PTPRG: variants seen among roughly 807,000 people sequenced by gnomAD.
The protein encoded by PTPRG is protein tyrosine phosphatase receptor type G.
A neutral mutation model predicts 165.3 loss-of-function variants in PTPRG; 102 were observed. The ratio of observed to expected loss-of-function variants is 0.62; its 90% confidence interval spans 0.53 to 0.73. PTPRG has a LOEUF of 0.73. PTPRG is among the 30% of genes least tolerant of loss of function. PTPRG has a pLI of 0.00. For synonymous variants in PTPRG, 675 were observed against 669.5 expected, an observed-to-expected ratio of 1.01 and a Z score of -0.13; for missense variants, 1,866 against 1,861.4, an observed-to-expected ratio of 1.00 and a Z score of -0.05.
intron 2 of PTPRG, among the ~76,000 whole-genome samples, chr3:61,773,227 A>G (rs1259533169): frequency 1.3e-5 from 2 of 152,134 alleles, no homozygotes; most frequent in African/African-American, 2.4e-5. Context: ...AATTGTTCAG[A>G]AAAAAAGTGA....
chr3:61,711,484 C>G (rs1359870620), intron 1 of PTPRG, among the ~76,000 whole-genome samples: 1 of 152,220 alleles, frequency 6.6e-6, no homozygotes, highest in East Asian at 1.9e-4. Flanking sequence ...GAAATGGTAT[C>G]TCATTGTGGT....
At position 62,214,363 on chromosome 3, in the gene PTPRG, A is replaced by G. The variant is rs530230244; in HGVS notation, c.2156-4488A>G. On this transcript the variant is annotated intron_variant, in intron 12 of 29. Coordinates refer to ENST00000474889, the MANE Select transcript of PTPRG (RefSeq NM_002841.4). This position sits in a 1 kb window ranked among gnomAD's most constrained non-coding sequence, Gnocchi z 5.2. Reference sequence around the variant, plus strand: ...GGTGGTGGTGATGACAATAATCACAATAGTTAACATTAACCAGGTGCCAGG... The same window carrying G: ...GGTGGTGGTGATGACAATAATCACAGTAGTTAACATTAACCAGGTGCCAGG... Among the ~76,000 whole-genome samples the G allele has an allele frequency of 5.8e-4, 89 of 152,360 alleles. 1 individual carries two copies. Among genetic ancestry groups the G allele is most frequent in the South Asian group, 3.3e-3 (16 of 4,826 alleles).
intron 5 of PTPRG, among the ~76,000 whole-genome samples, chr3:62,117,760 A>G (rs1225554194): frequency 6.6e-6 from 1 of 152,196 alleles, no homozygotes; most frequent in Admixed American, 6.5e-5. Context: ...CGAGCATCTG[A>G]CTGGCAGAAA....
At chr3:62,033,601 G>A (rs1699845592) in intron 4 of PTPRG, among the ~76,000 whole-genome samples, 1 of 139,010 alleles carries the variant, frequency 7.2e-6, no homozygotes, top group Admixed American at 8.6e-5. Flanking sequence ...CTAGGCTCAA[G>A]CAATCCTCCT....
chr3:61,819,193 A>G (rs2035883025), intron 2 of PTPRG, among the ~76,000 whole-genome samples: 1 of 152,138 alleles, frequency 6.6e-6, no homozygotes, highest in South Asian at 2.1e-4. Context: ...GAATTTTATA[A>G]CTCTCCAAAA....
At chr3:62,175,759 C>T (rs765676117) in intron 8 of PTPRG, among the ~76,000 whole-genome samples, 2 of 152,058 alleles carry the variant, frequency 1.3e-5, no homozygotes, top group African/African-American at 4.8e-5. Flanking sequence ...GTGCTAAGAG[C>T]GGTAGAGTGT....
chr3:61,970,375 C>G (rs2040356669), intron 2 of PTPRG, among the ~76,000 whole-genome samples: 1 of 152,128 alleles, frequency 6.6e-6, no homozygotes, highest in Non-Finnish European at 1.5e-5. Context: ...GCAGAAAACA[C>G]AGGGAAACAT....
Position 62,240,799 on chromosome 3 carries a change from C to T in PTPRG, c.2376-3008C>T, listed in dbSNP as rs192323764. On this transcript the variant is annotated intron_variant, in intron 14 of 29. Transcript: ENST00000474889. The surrounding 1 kb of genome is among the most constrained non-coding windows in gnomAD (Gnocchi z 5.1). The stretch of plus-strand genomic sequence containing the variant: ...AGACCTCCTTAATCAGGCCTCAGCT[C>T]AAATGCCACCTCCTCAGTGAAGTCC... Among the ~76,000 whole-genome samples the T allele has an allele frequency of 4.2e-4, 64 of 152,332 alleles. No individual in the cohort carries two copies. Among genetic ancestry groups the T allele is most frequent in the Non-Finnish European group, 7.5e-4 (51 of 68,038 alleles).
chr3:61,931,194 T>C (rs994269848), intron 2 of PTPRG, among the ~76,000 whole-genome samples: 1 of 152,216 alleles, frequency 6.6e-6, no homozygotes, highest in African/African-American at 2.4e-5. Flanking sequence ...TGGGCCACTT[T>C]GCTCTGTTCT....
chr3:62,118,344 C>T (rs548503800), intron 5 of PTPRG: 20 of 152,294 alleles, frequency 1.3e-4, no homozygotes, highest in African/African-American at 4.6e-4. Context: ...CAGATGCAGT[C>T]TGTGGGTGGG....
chr3:62,292,401 C>CTTTTTTTTTTTTTTT lies in PTPRG; in HGVS notation c.4056-10_4056-9insTTTTTTTTTTTTTTT. The CTTTTTTTTTTTTTTT allele has an allele frequency of 6.9e-7, 1 of 1,453,314 alleles. No homozygotes were observed. Among genetic ancestry groups the CTTTTTTTTTTTTTTT allele is most frequent in the Non-Finnish European group, 9.4e-7 (1 of 1,067,126 alleles). The allele number at this position is 1,453,314 out of a possible 1,614,324, so 90.0% of individuals were successfully genotyped here. A position where few individuals can be genotyped will look rare whatever the true frequency, so the allele number is the denominator to read the frequency against. ...TCCCTTTGTACATCTGAAATCGTAT[C>CTTTTTTTTTTTTTTT]TTTTTTTTTTCTCCCCCAGGTATGG... On this transcript the variant is annotated intron_variant, in intron 28 of 29. Transcript: ENST00000474889.
chr3:62,048,599 C>G (rs1288978526), intron 4 of PTPRG, among the ~76,000 whole-genome samples: 1 of 152,358 alleles, frequency 6.6e-6, no homozygotes, highest in East Asian at 1.9e-4. Flanking sequence ...TCTCTTCTTA[C>G]TACCTTTTTA....
At chr3:61,627,786 G>A (rs1317129050) in intron 1 of PTPRG, among the ~76,000 whole-genome samples, 2 of 152,182 alleles carry the variant, frequency 1.3e-5, no homozygotes, top group African/African-American at 4.8e-5. Context: ...ATTAAAATAA[G>A]TTTAAAATAT....
chr3:62,041,077 G>A lies in PTPRG; in HGVS notation c.520-37086G>A, dbSNP rs113836917. On this transcript the variant is annotated intron_variant, in intron 4 of 29. Coordinates refer to ENST00000474889, the MANE Select transcript of PTPRG (RefSeq NM_002841.4). ...GTCTCTGTCTCTTCCTCTGTAAAATGTGGGTAGTAATACCTGATGCTTGTG... is the reference window on the plus strand; with the variant it reads ...GTCTCTGTCTCTTCCTCTGTAAAATATGGGTAGTAATACCTGATGCTTGTG... Among the ~76,000 whole-genome samples, 275 of 152,322 alleles carry A rather than the reference G, an allele frequency of 1.8e-3. 1 individual carries two copies. In the East Asian group the frequency reaches 0.019, roughly 11 times the overall value.
rs373417085 is a variant in PTPRG at position 61,855,038 on chromosome 3, T to C, written c.190+106056T>C. Among the ~76,000 whole-genome samples, 88 of 152,312 alleles carry C rather than the reference T, an allele frequency of 5.8e-4. 1 individual carries two copies. The East Asian group carries it at 0.014, about 25-fold the overall frequency. Reference sequence around the variant, plus strand: ...GAGATGGCTGTGATTTAATTTCTTCTTATTTTCACTGCATCAGAAGGTGAA... The same window carrying C: ...GAGATGGCTGTGATTTAATTTCTTCCTATTTTCACTGCATCAGAAGGTGAA... On this transcript the variant is annotated intron_variant, in intron 2 of 29. Transcript: ENST00000474889.
chr3:61,914,009 C>T (rs1225018608), intron 2 of PTPRG, among the ~76,000 whole-genome samples: 1 of 152,160 alleles, frequency 6.6e-6, no homozygotes, highest in Non-Finnish European at 1.5e-5. Flanking sequence ...GAAAACCTCC[C>T]CCCTTTTCCA....
intron 2 of PTPRG, among the ~76,000 whole-genome samples, chr3:61,793,429 G>A (rs1483368121): frequency 6.6e-6 from 1 of 152,146 alleles, no homozygotes; most frequent in African/African-American, 2.4e-5. Context: ...AGAATATGCT[G>A]CATTTTTGGC....
intron 5 of PTPRG, among the ~76,000 whole-genome samples, chr3:62,114,358 G>A (rs1051410091): frequency 6.6e-6 from 1 of 152,042 alleles, no homozygotes; most frequent in African/African-American, 2.4e-5. Context: ...AGTATACTCA[G>A]TTTTAATTTT....
chr3:62,018,893 C>T (rs2041615609), intron 4 of PTPRG, among the ~76,000 whole-genome samples: 2 of 152,124 alleles, frequency 1.3e-5, no homozygotes, highest in African/African-American at 4.8e-5. Flanking sequence ...AGTGAGCCTG[C>T]CCCAGTGCTA....
Sources: gnomAD v4.1 joint callset for allele counts (sites outside exome capture counted in the v4.1 genomes callset) on GRCh38, gnomAD v4.1.1 for gene constraint, Gnocchi (gnomAD v3.1) non-coding constraint, MANE v1.5 for transcripts, NCBI Gene and HGNC (gene_info 2026-07-23, HGNC 2026-07-21) for gene names.